Variants in RYR1 observed in about 807,000 individuals in gnomAD.
RYR1 encodes ryanodine receptor 1.
A neutral mutation model predicts 583.5 loss-of-function variants in RYR1; 342 were observed. The observed-to-expected ratio is 0.59, with a 90% CI of 0.54 to 0.64. RYR1 has a LOEUF of 0.64. RYR1 is among the 30% of genes least tolerant of loss of function. The probability of loss-of-function intolerance (pLI) is 0.00; values close to 1 mark genes in which losing one functional copy is unlikely to be tolerated. For missense variants in RYR1, 6,032 were observed against 6,917.2 expected (o/e 0.87, Z 4.54); for synonymous variants, 2,791 against 2,822.5 (o/e 0.99, Z 0.35).
rs886038335 is a variant in RYR1 at position 38,485,561 on chromosome 19, T to C, written c.4935-29T>C. ...CTGATGCAGGAGGCTCATTCATCTG[T>C]CCCTGTCTGTTTCCCACCTCTGCTG... On this transcript the variant is annotated intron_variant, in intron 33 of 105. Coordinates refer to ENST00000359596, the MANE Select transcript of RYR1 (RefSeq NM_000540.3). 4 of 1,605,550 alleles carry C rather than the reference T, an allele frequency of 2.5e-6. No individual in the cohort carries two copies. The highest frequency in any genetic ancestry group is 3.4e-6 in the Non-Finnish European group (4 of 1,179,842).
chr19:38,515,079 G>A lies in RYR1; in HGVS notation c.9526G>A (p.Gly3176Arg), dbSNP rs1568525048. The change falls in exon 64 of 106, where the codon GGA becomes AGA. Residue 3176 changes from glycine (G) to arginine (R), a missense_variant. Coordinates refer to ENST00000359596, the MANE Select transcript of RYR1 (RefSeq NM_000540.3). ...AACGCTGTGCAGTATCTACTCCCTG[G>A]GAACCACCAAGAACACTTATGTGGA... Reference protein sequence around the residue: ...YRTLCSIYSLGTTKNTYVEKL... With the variant: ...YRTLCSIYSLRTTKNTYVEKL... The A allele has an allele frequency of 6.2e-7, 1 of 1,613,668 alleles. No individual in the cohort carries two copies. Among genetic ancestry groups the A allele is most frequent in the Admixed American group, 1.7e-5 (1 of 59,968 alleles).
chr19:38,510,316 G>A (rs1245096368), intron 58 of RYR1, among the ~76,000 whole-genome samples, 182 bp from the exon 59 acceptor site: 2 of 151,960 alleles, frequency 1.3e-5, no homozygotes, highest in African/African-American at 4.8e-5. Context: ...AAAAAAAAAA[G>A]GAGTTGGGGG....
intron 82 of RYR1, among the ~76,000 whole-genome samples, 171 bp downstream of exon 82, chr19:38,536,241 C>A (rs1971961010): frequency 1.7e-5 from 2 of 118,330 alleles, no homozygotes; most frequent in African/African-American, 3.3e-5. Context: ...CCCCCTCCAT[C>A]CCCCTGGGGT....
Position 38,502,691 on chromosome 19 carries a change from G to A in RYR1, c.7799G>A (p.Arg2600His), listed in dbSNP as rs201749008. Residue 2600 changes from arginine to histidine, a missense_variant, in exon 48 of 106, where the codon CGT becomes CAT. Coordinates refer to ENST00000359596, the MANE Select transcript of RYR1 (RefSeq NM_000540.3). ...GGTCGTTCGCTCACCAAGGCGCAGC[G>A]TGACGTCATCGAGGACTGCCTCATG... is the stretch of plus-strand genomic sequence containing the variant. ...SRGRSLTKAQRDVIEDCLMSL... is the reference protein window; with the variant it reads ...SRGRSLTKAQHDVIEDCLMSL... 4 of 1,606,746 alleles carry A rather than the reference G, an allele frequency of 2.5e-6. No individual in the cohort carries two copies. Among genetic ancestry groups the A allele is most frequent in the East Asian group, 4.5e-5 (2 of 44,538 alleles).
At chr19:38,482,551 A>G (rs1969063518) in intron 31 of RYR1, among the ~76,000 whole-genome samples, 1 of 152,128 alleles carries the variant, frequency 6.6e-6, no homozygotes. Context: ...CCCAGGATCA[A>G]GCGATTCTCT....
chr19:38,448,276 A>T (rs912454336), intron 9 of RYR1, 79 bp from the exon 10 acceptor site: 1 of 1,491,454 alleles, frequency 6.7e-7, no homozygotes. Flanking sequence ...TGTAAAAAAA[A>T]GAAAAAGAAG....
intron 18 of RYR1, among the ~76,000 whole-genome samples, chr19:38,458,797 G>A (rs911042402): frequency 6.6e-6 from 1 of 152,052 alleles, no homozygotes; most frequent in African/African-American, 2.4e-5. Flanking sequence ...GCTCATTTTT[G>A]TATTTTTAGT....
chr19:38,444,655 C>A lies in RYR1; in HGVS notation c.609C>A (p.Pro203=). 1 of 1,613,864 alleles carries A rather than the reference C, an allele frequency of 6.2e-7. No individual in the cohort carries two copies. The highest frequency in any genetic ancestry group is 8.5e-7 in the Non-Finnish European group (1 of 1,179,892). Residue 203 remains proline, a synonymous_variant, in exon 7 of 106, where the codon CCC becomes CCA. Transcript: ENST00000359596. The surrounding 1 kb of genome is among the most constrained non-coding windows in gnomAD (Gnocchi z 5.1). ...TGCAGACACTATGGAACATGAACCC[C>A]ATCTGCTCCCGCTGCGAAGAGGGTG... The part of the protein sequence containing the change: ...SFMQTLWNMN[P]ICSRCEEGFV...
At position 38,519,416 on chromosome 19, in the gene RYR1, C is replaced by T. The variant is rs533304632; in HGVS notation, c.10221C>T (p.Ala3407=). The T allele has an allele frequency of 4.4e-6, 7 of 1,601,920 alleles. No homozygotes were observed. The African/African-American group carries it at 8.0e-5, about 18-fold the overall frequency. The change falls in exon 67 of 106, where the codon GCC becomes GCT. Residue 3407 remains alanine (A), a synonymous_variant. Transcript: ENST00000359596. ...CTGTGCTCTGCCGGGACCTCTACGC[C>T]CTGTATCCGCTGCTCATCCGCTACG... ...EFSVLCRDLY[A]LYPLLIRYVD... is the part of the protein sequence containing the mutation.
intron 104 of RYR1, 112 bp downstream of exon 104, chr19:38,586,303 C>G: frequency 8.7e-7 from 1 of 1,154,986 alleles, no homozygotes; most frequent in Non-Finnish European, 1.3e-6. Context: ...TCCATGTGGG[C>G]AGATTCCCTG....
chr19:38,456,659 A>G (rs949714936), intron 16 of RYR1, among the ~76,000 whole-genome samples: 1 of 152,074 alleles, frequency 6.6e-6, no homozygotes, highest in African/African-American at 2.4e-5. Context: ...CACACTCTGT[A>G]GTTTGCCATA....
intron 73 of RYR1, 25 bp downstream of exon 73, chr19:38,527,809 C>G (rs1313585053): frequency 6.2e-7 from 1 of 1,612,352 alleles, no homozygotes; most frequent in Non-Finnish European, 8.5e-7. Flanking sequence ...AGGGGTCTTT[C>G]TACTGGGTCT....
At chr19:38,531,949 C>T (rs1203740903) in intron 76 of RYR1, among the ~76,000 whole-genome samples, 1 of 152,134 alleles carries the variant, frequency 6.6e-6, no homozygotes, top group Non-Finnish European at 1.5e-5. Context: ...ATGGATTTTA[C>T]TGGACAGCAT....
Position 38,485,855 on chromosome 19 carries a change from A to T in RYR1, c.5200A>T (p.Ile1734Phe). 1 of 1,613,668 alleles carries T rather than the reference A, an allele frequency of 6.2e-7. No individual in the cohort carries two copies. The highest frequency in any genetic ancestry group is 8.5e-7 in the Non-Finnish European group (1 of 1,179,970). The change falls in exon 34 of 106, where the codon ATC (isoleucine) becomes TTC (phenylalanine). Residue 1734 changes from isoleucine to phenylalanine, a missense_variant. Coordinates refer to ENST00000359596, the MANE Select transcript of RYR1 (RefSeq NM_000540.3). ...CCGCCGCTCCATGCTCTCTGAATACATCGTGCCCCTCACGCCTGAGACCCG... is the reference window on the plus strand; with the variant it reads ...CCGCCGCTCCATGCTCTCTGAATACTTCGTGCCCCTCACGCCTGAGACCCG... ...RSRRSMLSEYIVPLTPETRAI... is the reference protein window; with the variant it reads ...RSRRSMLSEYFVPLTPETRAI...
chr19:38,463,417 C>T lies in RYR1; in HGVS notation c.2578-6C>T, dbSNP rs564914301. 1.2e-6 allele frequency: 2 copies of T among 1,613,512 alleles called. No homozygotes were observed. Among genetic ancestry groups the T allele is most frequent in the Non-Finnish European group, 1.7e-6 (2 of 1,179,710 alleles). On this transcript the variant is annotated splice_polypyrimidine_tract_variant and splice_region_variant and intron_variant, in intron 20 of 105. Coordinates refer to ENST00000359596, the MANE Select transcript of RYR1 (RefSeq NM_000540.3). ...TGGGGTCTCAAGAACGTCCCTCTGC[C>T]TCTAGATTGTCCTGCCGCCCCATCT...
At chr19:38,537,529 G>A (rs1352920160) in intron 83 of RYR1, among the ~76,000 whole-genome samples, 1 of 152,162 alleles carries the variant, frequency 6.6e-6, no homozygotes, top group Non-Finnish European at 1.5e-5. Context: ...CTGAAGGGGG[G>A]CTGAGGGCAT....
At chr19:38,581,548 A>C (rs1974209983) in intron 101 of RYR1, among the ~76,000 whole-genome samples, 1 of 151,668 alleles carries the variant, frequency 6.6e-6, no homozygotes, top group African/African-American at 2.4e-5. Context: ...CAGGCATATG[A>C]GTGCTCCACA....
In RYR1 at chr19:38,499,373, G is replaced by A. The variant is rs1356485307; in HGVS notation, c.7027+130G>A. On this transcript the variant is annotated intron_variant, in intron 43 of 105. Transcript: ENST00000359596. This position sits in a 1 kb window ranked among gnomAD's most constrained non-coding sequence, Gnocchi z 7.3. The stretch of plus-strand genomic sequence containing the variant: ...AGGAATCCCTTCCAGCAGGCCTGGG[G>A]CTGGCAGGGGCCTGTGTTACCCCTG... 9 of 1,453,588 alleles carry A rather than the reference G, an allele frequency of 6.2e-6. No homozygotes were observed. Among genetic ancestry groups the A allele is most frequent in the Middle Eastern group, 1.9e-4 (1 of 5,214 alleles). 90.0% of individuals were successfully genotyped at this position (1,453,588 alleles called of 1,614,324 possible).
chr19:38,451,226 A>G (rs537134991), intron 11 of RYR1, among the ~76,000 whole-genome samples: 75 of 152,348 alleles, frequency 4.9e-4, no homozygotes, highest in Non-Finnish European at 6.8e-4. Flanking sequence ...GCCATGTCCA[A>G]AGTGGGGACA....
Sources: allele counts gnomAD v4.1 joint callset (sites outside exome capture counted in the v4.1 genomes callset), GRCh38; gene constraint gnomAD v4.1.1; non-coding constraint Gnocchi (gnomAD v3.1); transcripts MANE v1.5; gene names NCBI Gene and HGNC (gene_info 2026-07-23, HGNC 2026-07-21).